The following DCDC2C variants were observed in gnomAD, a reference collection of about 807,000 sequenced individuals.
DCDC2C encodes the protein doublecortin domain containing 2C, also known as doublecortin domain-containing protein 2C.
In DCDC2C, 44 loss-of-function variants were observed where a neutral mutation model predicts 45.0. The observed-to-expected ratio is 0.98, with a 90% CI of 0.77 to 1.26. DCDC2C has a LOEUF of 1.26. DCDC2C is among the 50% of genes most tolerant of loss of function. The pLI, the probability that DCDC2C is intolerant of heterozygous loss-of-function variation, is 0.00. For missense variants in DCDC2C, 447 were observed against 468.9 expected (o/e 0.95, Z 0.43); for synonymous variants, 187 against 178.8 (o/e 1.05, Z -0.37).
chr2:3,732,582 T>G (rs1293922495), intron 3 of DCDC2C, among the ~76,000 whole-genome samples: 1 of 152,180 alleles, frequency 6.6e-6, no homozygotes, highest in Non-Finnish European at 1.5e-5. Context: ...GATCTCATAC[T>G]TTCAAACTGT....
chr2:3,755,179 G>GTGTGTGTA (rs1460283677), intron 6 of DCDC2C, among the ~76,000 whole-genome samples: 21 of 151,728 alleles, frequency 1.4e-4, no homozygotes, highest in Non-Finnish European at 2.6e-4. Flanking sequence ...ATGGATGCAT[G>GTGTGTGTA]TGTGTGTATG....
intron 10 of DCDC2C, among the ~76,000 whole-genome samples, chr2:3,833,380 GTGC>G: frequency 6.6e-6 from 1 of 152,256 alleles, no homozygotes; most frequent in South Asian, 2.1e-4. Context: ...AGTCTTATAT[GTGC>G]TAAGCTTCTG....
intron 9 of DCDC2C, among the ~76,000 whole-genome samples, chr2:3,783,911 T>G (rs538166575): frequency 2.6e-5 from 4 of 152,294 alleles, no homozygotes; most frequent in Admixed American, 2.6e-4. Context: ...AGTTAAAAGC[T>G]AAACAAAATA....
intron 3 of DCDC2C, among the ~76,000 whole-genome samples, chr2:3,729,796 C>T (rs991072589): frequency 6.6e-6 from 1 of 152,196 alleles, no homozygotes; most frequent in African/African-American, 2.4e-5. Context: ...ATGTTCCTGG[C>T]AGCCCTGGGT....
chr2:3,820,607 C>T (rs1232310904), intron 10 of DCDC2C, among the ~76,000 whole-genome samples: 2 of 152,102 alleles, frequency 1.3e-5, no homozygotes, highest in East Asian at 1.9e-4. Context: ...AGACTGTCTT[C>T]CCAAGTCCGT....
At chr2:3,744,697 A>G (rs1292107404) in intron 4 of DCDC2C, among the ~76,000 whole-genome samples, 1 of 152,234 alleles carries the variant, frequency 6.6e-6, no homozygotes, top group Non-Finnish European at 1.5e-5. Context: ...AGTGATTTAC[A>G]GTCAACAGTT....
At chr2:3,708,089 G>A (rs1429821654) in intron 1 of DCDC2C, among the ~76,000 whole-genome samples, 6 of 152,208 alleles carry the variant, frequency 3.9e-5, no homozygotes, top group African/African-American at 7.2e-5. Flanking sequence ...TGCAGTTTTG[G>A]CAAAAGGAGA....
At chr2:3,710,317 C>T (rs1050176147) in intron 2 of DCDC2C, among the ~76,000 whole-genome samples, 7 of 152,148 alleles carry the variant, frequency 4.6e-5, no homozygotes, top group Non-Finnish European at 7.3e-5. Context: ...GTATTAATCC[C>T]AGCATCCTTT....
At chr2:3,737,305 G>T (rs1354834189) in intron 3 of DCDC2C, among the ~76,000 whole-genome samples, 2 of 152,182 alleles carry the variant, frequency 1.3e-5, no homozygotes, top group African/African-American at 4.8e-5. Flanking sequence ...ACTTGACCTG[G>T]TTCTTGAGAG....
At chr2:3,819,373 G>A (rs762639365) in intron 10 of DCDC2C, among the ~76,000 whole-genome samples, 1 of 152,240 alleles carries the variant, frequency 6.6e-6, no homozygotes, top group Non-Finnish European at 1.5e-5. Context: ...GCAAGATCCT[G>A]GTGGAGAAGG....
chr2:3,737,641 C>T (rs997793610), intron 3 of DCDC2C, among the ~76,000 whole-genome samples: 7 of 152,034 alleles, frequency 4.6e-5, no homozygotes, highest in African/African-American at 1.7e-4. Flanking sequence ...GGGGAAACCC[C>T]TTACCCTCTC....
At chr2:3,708,443 G>C (rs2148040881) in intron 1 of DCDC2C, 106 bp from the exon 2 acceptor site, 1 of 773,628 alleles carries the variant, frequency 1.3e-6, no homozygotes, top group South Asian at 1.9e-5. Context: ...AAATTGCTGT[G>C]GGGTTGTATC....
intron 4 of DCDC2C, among the ~76,000 whole-genome samples, chr2:3,750,284 GA>G (rs1042121456): frequency 6.6e-6 from 1 of 152,134 alleles, no homozygotes; most frequent in Admixed American, 6.5e-5. Context: ...GGGTTATGAT[GA>G]ATATGTTTTC....
chr2:3,710,826 T>G (rs1260920526), intron 2 of DCDC2C, among the ~76,000 whole-genome samples: 3 of 152,230 alleles, frequency 2.0e-5, no homozygotes, highest in Non-Finnish European at 4.4e-5. Context: ...TTCCACGGTG[T>G]ATATGTACCA....
intron 3 of DCDC2C, among the ~76,000 whole-genome samples, chr2:3,730,955 A>G (rs906919314): frequency 3.9e-5 from 6 of 152,164 alleles, no homozygotes. Flanking sequence ...GTCGTCTACA[A>G]ACAGGTGGCA....
chr2:3,725,610 G>GCCAGGTGGATCCCA (rs1668638023), intron 2 of DCDC2C, among the ~76,000 whole-genome samples: 3 of 145,028 alleles, frequency 2.1e-5, no homozygotes, highest in Admixed American at 6.9e-5. Flanking sequence ...GGTGGATCCT[G>GCCAGGTGGATCCCA]GAGGGAGACC....
chr2:3,825,847 G>A lies in DCDC2C; in HGVS notation c.1066-21307G>A, dbSNP rs555963829. Among the ~76,000 whole-genome samples the A allele has an allele frequency of 1.6e-4, 25 of 152,288 alleles. 2 individuals carry two copies. The South Asian group carries it at 3.3e-3, about 20-fold the overall frequency. On this transcript the variant is annotated intron_variant, in intron 10 of 10. Transcript: ENST00000399143. The stretch of plus-strand genomic sequence containing the variant: ...GGCTCTCGTGTCTTGGCAAATCATC[G>A]TTGAGTGCATTCACATCTTCAGTGG...
chr2:3,736,382 C>T (rs544973110), intron 3 of DCDC2C, among the ~76,000 whole-genome samples: 4 of 152,268 alleles, frequency 2.6e-5, no homozygotes, highest in Admixed American at 6.5e-5. Context: ...CTCGGAGGAA[C>T]GGAGCAGGAG....
chr2:3,753,913 C>T (rs2148127813), intron 5 of DCDC2C, among the ~76,000 whole-genome samples: 1 of 152,290 alleles, frequency 6.6e-6, no homozygotes, highest in East Asian at 1.9e-4. Flanking sequence ...GCCTGGCACA[C>T]ATGGATATTT....
Sources: gnomAD v4.1 joint callset for allele counts (sites outside exome capture counted in the v4.1 genomes callset) on GRCh38, gnomAD v4.1.1 for gene constraint, MANE v1.5 for transcripts, NCBI Gene and HGNC (gene_info 2026-07-23, HGNC 2026-07-21) for gene names.